The following DPP10 variants were observed in gnomAD, a reference collection of about 807,000 sequenced individuals.
The protein encoded by DPP10 is dipeptidyl peptidase like 10, also known as inactive dipeptidyl peptidase 10.
In DPP10, 33 loss-of-function variants were observed where a neutral mutation model predicts 120.9. That is an observed-to-expected ratio of 0.27 (90% CI 0.21 to 0.37). DPP10 has a LOEUF of 0.37. Ranked by LOEUF, DPP10 falls within the 10% of genes least tolerant of loss-of-function variation. The pLI, the probability that DPP10 is intolerant of heterozygous loss-of-function variation, is 1.00. For missense variants in DPP10, 816 were observed against 942.8 expected, an observed-to-expected ratio of 0.87 and a Z score of 1.76; for synonymous variants, 337 against 326.1, an observed-to-expected ratio of 1.03 and a Z score of -0.36.
At chr2:115,422,043 C>G (rs1216808313) in intron 3 of DPP10, among the ~76,000 whole-genome samples, 1 of 151,956 alleles carries the variant, frequency 6.6e-6, no homozygotes, top group East Asian at 1.9e-4. Flanking sequence ...AGGTTTGATT[C>G]CTGTAGAAGA....
chr2:115,638,118 G>A (rs1224032682), intron 5 of DPP10, among the ~76,000 whole-genome samples: 1 of 152,304 alleles, frequency 6.6e-6, no homozygotes, highest in East Asian at 1.9e-4. Flanking sequence ...TACATCTGTG[G>A]TTCTGCCTAA....
chr2:115,332,995 G>T (rs958344167), intron 2 of DPP10, among the ~76,000 whole-genome samples: 1 of 152,026 alleles, frequency 6.6e-6, no homozygotes, highest in South Asian at 2.1e-4. Flanking sequence ...TTTCTGTCTC[G>T]TTGATCTGCC....
At chr2:115,649,974 G>A (rs1005594890) in intron 5 of DPP10, among the ~76,000 whole-genome samples, 1 of 152,034 alleles carries the variant, frequency 6.6e-6, no homozygotes, top group Non-Finnish European at 1.5e-5. Flanking sequence ...TTTGTTTACA[G>A]TGTGCCAAAT....
intron 1 of DPP10, among the ~76,000 whole-genome samples, chr2:114,522,694 A>G (rs1387573268): frequency 6.6e-6 from 1 of 152,166 alleles, no homozygotes; most frequent in Admixed American, 6.5e-5. Context: ...CTGCTGATAA[A>G]GACATAACAG....
intron 1 of DPP10, among the ~76,000 whole-genome samples, chr2:114,830,450 T>C (rs1352994546): frequency 6.6e-6 from 1 of 152,192 alleles, no homozygotes; most frequent in East Asian, 1.9e-4. Context: ...TCAAGATCCA[T>C]AAAATGTCAC....
intron 1 of DPP10, among the ~76,000 whole-genome samples, chr2:114,671,621 G>A (rs1046214326): frequency 6.6e-6 from 1 of 152,070 alleles, no homozygotes; most frequent in Non-Finnish European, 1.5e-5. Context: ...AGCATCCACT[G>A]GGGGTCTTGG....
At chr2:115,573,322 G>C (rs13015650) in intron 5 of DPP10, among the ~76,000 whole-genome samples, 2 of 131,718 alleles carry the variant, frequency 1.5e-5, no homozygotes, top group African/African-American at 3.0e-5. Flanking sequence ...TTGCTCTGTC[G>C]CCCAGGCTGG....
chr2:114,546,768 T>C (rs1687434556), intron 1 of DPP10, among the ~76,000 whole-genome samples: 1 of 152,146 alleles, frequency 6.6e-6, no homozygotes, highest in Admixed American at 6.5e-5. Flanking sequence ...AGATTAGAAG[T>C]CCAAAAGTCA....
chr2:115,314,223 T>C (rs1259811568), intron 2 of DPP10, among the ~76,000 whole-genome samples: 1 of 152,210 alleles, frequency 6.6e-6, no homozygotes, highest in Non-Finnish European at 1.5e-5. Flanking sequence ...TCTGCCATAC[T>C]GAAATAGCCA....
At chr2:114,753,356 A>G (rs531602627) in intron 1 of DPP10, among the ~76,000 whole-genome samples, 1 of 152,304 alleles carries the variant, frequency 6.6e-6, no homozygotes, top group South Asian at 2.1e-4. Context: ...TTCAAATTCT[A>G]TCCCAGCTTA....
intron 5 of DPP10, among the ~76,000 whole-genome samples, chr2:115,684,124 AT>A (rs2090836183): frequency 6.6e-6 from 1 of 151,944 alleles, no homozygotes; most frequent in Non-Finnish European, 1.5e-5. Context: ...TAAAATACTA[AT>A]AAATATTAAG....
intron 1 of DPP10, among the ~76,000 whole-genome samples, chr2:114,587,020 G>A (rs997101082): frequency 1.3e-5 from 2 of 152,070 alleles, no homozygotes; most frequent in South Asian, 2.1e-4. Context: ...AGCCTAGGCC[G>A]GGTGCAGTGG....
intron 1 of DPP10, among the ~76,000 whole-genome samples, chr2:114,989,814 T>C (rs1020631308): frequency 3.3e-5 from 5 of 152,240 alleles, no homozygotes; most frequent in Non-Finnish European, 5.9e-5. Flanking sequence ...TCTTCCATAC[T>C]GGTCCTACAG....
chr2:115,302,889 G>A (rs2061203490), intron 1 of DPP10, among the ~76,000 whole-genome samples: 1 of 152,078 alleles, frequency 6.6e-6, no homozygotes, highest in African/African-American at 2.4e-5. Flanking sequence ...AGGAAACTGT[G>A]AATGGCATGA....
intron 1 of DPP10, among the ~76,000 whole-genome samples, chr2:115,040,428 T>C (rs909720392): frequency 2.0e-5 from 3 of 152,146 alleles, no homozygotes; most frequent in Admixed American, 6.5e-5. Flanking sequence ...AACTAAATTA[T>C]AGTTGACTAA....
chr2:115,560,120 G>A (rs112392034), intron 5 of DPP10, among the ~76,000 whole-genome samples: 5 of 151,366 alleles, frequency 3.3e-5, no homozygotes, highest in African/African-American at 7.3e-5. Flanking sequence ...TTTAAGATAC[G>A]ACAACTTTGG....
chr2:115,620,947 A>G (rs939953070), intron 5 of DPP10, among the ~76,000 whole-genome samples: 6 of 152,322 alleles, frequency 3.9e-5, no homozygotes, highest in African/African-American at 1.4e-4. Context: ...AATATTTCCA[A>G]ATAACTCAAA....
chr2:115,398,171 T>G (rs1053893499), intron 3 of DPP10, among the ~76,000 whole-genome samples: 2 of 71,620 alleles, frequency 2.8e-5, no homozygotes, highest in Non-Finnish European at 7.4e-5. Flanking sequence ...TCATTGTATA[T>G]GACTTTTTTT....
In DPP10 at chr2:114,604,119, A is replaced by G. The variant is rs7425488; in HGVS notation, c.60+161281A>G. Among the ~76,000 whole-genome samples the G allele has an allele frequency of 3.4e-3, 512 of 152,130 alleles. 5 individuals are homozygous for G. Among genetic ancestry groups the G allele is most frequent in the African/African-American group, 0.012 (480 of 41,538 alleles). ...GAGTCTAATTGGAGTCTCAGTGCCT[A>G]GAGTTTCTATAAGGGGCTGCTCACC... On this transcript the variant is annotated intron_variant, in intron 1 of 25. Coordinates refer to ENST00000410059, the MANE Select transcript of DPP10 (RefSeq NM_020868.6).
Sources: allele counts gnomAD v4.1 joint callset (sites outside exome capture counted in the v4.1 genomes callset), GRCh38; gene constraint gnomAD v4.1.1; transcripts MANE v1.5; gene names NCBI Gene and HGNC (gene_info 2026-07-23, HGNC 2026-07-21).